Variants in TRPM3 observed in about 807,000 individuals in gnomAD.
TRPM3 encodes the protein long transient receptor potential channel 3.
Under a neutral mutation model 181.2 loss-of-function variants are expected in TRPM3, and 77 were observed. The observed-to-expected ratio is 0.42, with a 90% CI of 0.35 to 0.51. TRPM3 has a LOEUF of 0.51. TRPM3 is among the 20% of genes least tolerant of loss of function. The pLI, the probability that TRPM3 is intolerant of heterozygous loss-of-function variation, is 0.01. For missense variants in TRPM3, 1,759 were observed against 2,196.7 expected (o/e 0.80, Z 3.98); for synonymous variants, 745 against 796.4 (o/e 0.94, Z 1.09).
Position 71,086,669 on chromosome 9 carries a change from T to C in TRPM3, c.177+34509A>G, listed in dbSNP as rs372097216. Among the ~76,000 whole-genome samples, 4 of 152,128 alleles carry C rather than the reference T, an allele frequency of 2.6e-5. No individual in the cohort carries two copies. In the East Asian group the frequency reaches 7.7e-4, roughly 29 times the overall value. The stretch of plus-strand genomic sequence containing the variant: ...ATTTCATTGCAGTGCAAACTTTCTA[T>C]GCAATTCAGCTGTTCCTCTTCCCTT... On this transcript the variant is annotated intron_variant, in intron 1 of 25. Coordinates refer to ENST00000677713, the MANE Select transcript of TRPM3 (RefSeq NM_001366145.2).
intron 6 of TRPM3, among the ~76,000 whole-genome samples, chr9:70,801,407 T>C (rs1337647107): frequency 6.6e-6 from 1 of 152,180 alleles, no homozygotes; most frequent in Non-Finnish European, 1.5e-5. Flanking sequence ...TCTAGCTACA[T>C]GGAAATGAAG....
At chr9:70,570,810 T>C (rs2052111752) in intron 22 of TRPM3, among the ~76,000 whole-genome samples, 1 of 152,200 alleles carries the variant, frequency 6.6e-6, no homozygotes, top group Admixed American at 6.5e-5. Context: ...AGGGAGAAGC[T>C]ACTCAATTGC....
chr9:71,017,106 G>A (rs2134447508), intron 1 of TRPM3, among the ~76,000 whole-genome samples: 1 of 152,206 alleles, frequency 6.6e-6, no homozygotes, highest in Non-Finnish European at 1.5e-5. Context: ...CACATAAGAA[G>A]CTCAGCTAAT....
intron 1 of TRPM3, among the ~76,000 whole-genome samples, chr9:71,160,581 G>A (rs1195761470): frequency 6.6e-6 from 1 of 152,008 alleles, no homozygotes; most frequent in Non-Finnish European, 1.5e-5. Flanking sequence ...ATCTAAAATT[G>A]TCTCAACACT....
intron 1 of TRPM3, among the ~76,000 whole-genome samples, chr9:71,379,175 T>G (rs2092733210): frequency 6.6e-6 from 1 of 152,008 alleles, no homozygotes. Flanking sequence ...AGTGGCAAAT[T>G]TATATTAGGA....
chr9:70,625,313 A>G lies in TRPM3; in HGVS notation c.1687T>C (p.Tyr563His). The change falls in exon 14 of 26, where the codon TAC becomes CAC. Residue 563 changes from tyrosine (Y) to histidine (H), a missense_variant. This residue lies in a region of TRPM3 where 737 missense variants were observed against 957.4 expected (regional missense o/e 0.77). Transcript: ENST00000677713. The surrounding 1 kb of genome is among the most constrained non-coding windows in gnomAD (Gnocchi z 4.8). ...CCGATGTCAATCAGGCTGATTCTGT[A>G]GTCTGGGGGCAGGTTCCCCTATCAG... ...IYFKGNLPPDYRISLIDIGLV... is the reference protein window; with the variant it reads ...IYFKGNLPPDHRISLIDIGLV... 1 of 1,614,196 alleles carries G rather than the reference A, an allele frequency of 6.2e-7. No homozygotes were observed. Among genetic ancestry groups the G allele is most frequent in the Non-Finnish European group, 8.5e-7 (1 of 1,180,034 alleles).
chr9:70,660,684 C>A (rs2061001523), intron 9 of TRPM3, among the ~76,000 whole-genome samples: 1 of 152,002 alleles, frequency 6.6e-6, no homozygotes, highest in Non-Finnish European at 1.5e-5. Context: ...ACTAGAAAAT[C>A]TATAAGAAGT....
intron 1 of TRPM3, among the ~76,000 whole-genome samples, chr9:71,442,637 A>G (rs1432726661): frequency 2.6e-5 from 4 of 152,236 alleles, no homozygotes; most frequent in Non-Finnish European, 5.9e-5. Flanking sequence ...TAAAAAGGAG[A>G]GCATATAATT....
intron 1 of TRPM3, among the ~76,000 whole-genome samples, chr9:71,089,199 T>C: frequency 6.7e-6 from 1 of 148,280 alleles, no homozygotes; most frequent in East Asian, 1.9e-4. Flanking sequence ...TGAATATATA[T>C]TTTATATATT....
chr9:71,200,648 G>A (rs2078720775), intron 1 of TRPM3, among the ~76,000 whole-genome samples: 2 of 152,124 alleles, frequency 1.3e-5, no homozygotes, highest in Admixed American at 6.5e-5. Context: ...TGTCTCTTTT[G>A]ATCTTTGTTG....
intron 1 of TRPM3, among the ~76,000 whole-genome samples, chr9:71,072,741 C>T (rs900024451): frequency 6.6e-6 from 1 of 152,166 alleles, no homozygotes; most frequent in African/African-American, 2.4e-5. Context: ...GAGTAAACAG[C>T]AAACTGCTCT....
At chr9:70,878,840 A>G (rs2095923960) in intron 1 of TRPM3, among the ~76,000 whole-genome samples, 1 of 152,046 alleles carries the variant, frequency 6.6e-6, no homozygotes, top group Non-Finnish European at 1.5e-5. Flanking sequence ...CCAACGGAAG[A>G]TCTACTGGAT....
intron 1 of TRPM3, among the ~76,000 whole-genome samples, chr9:71,355,608 C>T (rs1039667715): frequency 2.6e-5 from 4 of 152,054 alleles, no homozygotes; most frequent in Admixed American, 6.6e-5. Context: ...CCTAGGAAGC[C>T]GATAGAGTCC....
intron 1 of TRPM3, among the ~76,000 whole-genome samples, chr9:70,930,418 A>G (rs1351727136): frequency 6.6e-6 from 1 of 152,146 alleles, no homozygotes; most frequent in Non-Finnish European, 1.5e-5. Flanking sequence ...GAAGTTTTAT[A>G]CTTCCTTTCA....
chr9:70,739,865 G>A (rs1345838452), intron 8 of TRPM3, among the ~76,000 whole-genome samples: 2 of 152,174 alleles, frequency 1.3e-5, no homozygotes, highest in African/African-American at 4.8e-5. Flanking sequence ...TGATCTGCCC[G>A]TCTTGGCCTC....
intron 1 of TRPM3, among the ~76,000 whole-genome samples, chr9:71,223,625 G>A (rs72733849): frequency 0.087 from 13,251 of 152,206 alleles, 670 homozygotes; most frequent in Non-Finnish European, 0.11. Flanking sequence ...CCAGGCCTTG[G>A]CTCTTGGACA....
intron 1 of TRPM3, among the ~76,000 whole-genome samples, chr9:71,053,353 T>G (rs777914896): frequency 6.6e-6 from 1 of 152,066 alleles, no homozygotes; most frequent in Non-Finnish European, 1.5e-5. Context: ...TAAAAGTGCC[T>G]CTTGTGTTAT....
chr9:70,578,106 T>C (rs1222038225), intron 22 of TRPM3, among the ~76,000 whole-genome samples: 1 of 152,118 alleles, frequency 6.6e-6, no homozygotes, highest in Non-Finnish European at 1.5e-5. Context: ...TTTAAAACTG[T>C]TTTCAATTTG....
intron 22 of TRPM3, among the ~76,000 whole-genome samples, chr9:70,561,415 G>A (rs2049039215): frequency 6.6e-6 from 1 of 152,156 alleles, no homozygotes; most frequent in Admixed American, 6.5e-5. Flanking sequence ...CTTTCTAGAA[G>A]TTTCCTTATC....
Sources: gnomAD v4.1 joint callset for allele counts (sites outside exome capture counted in the v4.1 genomes callset) on GRCh38, gnomAD v4.1.1 for gene constraint, gnomAD v4.1.1 regional missense constraint, Gnocchi (gnomAD v3.1) non-coding constraint, MANE v1.5 for transcripts, NCBI Gene and HGNC (gene_info 2026-07-23, HGNC 2026-07-21) for gene names.